SEC14L1: variants seen among roughly 807,000 people sequenced by gnomAD.
SEC14L1 encodes SEC14 like lipid binding 1, also known as SEC14-like protein 1.
In SEC14L1, 48 loss-of-function variants were observed where a neutral mutation model predicts 85.3. The ratio of observed to expected loss-of-function variants is 0.56; its 90% CI spans 0.45 to 0.72. The LOEUF (loss-of-function observed/expected upper bound fraction) is 0.72, where lower values mean the gene tolerates loss of function less well. Ranked by LOEUF, SEC14L1 falls within the 30% of genes least tolerant of loss-of-function variation. SEC14L1 has a pLI of 0.00. For missense variants in SEC14L1, 682 were observed against 921.4 expected, an observed-to-expected ratio of 0.74 and a Z score of 3.36; for synonymous variants, 391 against 355.5, an observed-to-expected ratio of 1.10 and a Z score of -1.12.
At chr17:77,186,266 C>T (rs903099813) in intron 3 of SEC14L1, among the ~76,000 whole-genome samples, 2 of 152,204 alleles carry the variant, frequency 1.3e-5, no homozygotes, top group Non-Finnish European at 2.9e-5. Flanking sequence ...CCACTTCCCT[C>T]CCCTGGGGGC....
chr17:77,190,012 G>T (rs1463886102), intron 3 of SEC14L1, among the ~76,000 whole-genome samples: 1 of 152,122 alleles, frequency 6.6e-6, no homozygotes, highest in African/African-American at 2.4e-5. Flanking sequence ...TTGTGATTTT[G>T]TTGTCACATC....
chr17:77,209,432 A>G lies in SEC14L1; in HGVS notation c.1567A>G (p.Thr523Ala). 1.2e-6 allele frequency: 2 copies of G among 1,614,178 alleles called. No homozygotes were observed. The highest frequency in any genetic ancestry group is 8.5e-7 in the Non-Finnish European group (1 of 1,180,026). The change falls in exon 14 of 17, where the codon ACC (threonine) becomes GCC (alanine). Residue 523 changes from threonine to alanine, a missense_variant. Thr to Ala is a moderately conservative substitution (Grantham distance 58). Transcript: ENST00000436233. The stretch of plus-strand genomic sequence containing the variant: ...CGAAGACCTGAAGCTCTGGACTGAG[A>G]CCATCTACCAGTCTGCAAGCGTCTT... Reference protein sequence around the residue: ...ENEDLKLWTETIYQSASVFKG... With the variant: ...ENEDLKLWTEAIYQSASVFKG...
chr17:77,118,534 A>C (rs1972228411), intron 3 of SEC14L1, among the ~76,000 whole-genome samples: 1 of 152,210 alleles, frequency 6.6e-6, no homozygotes, highest in African/African-American at 2.4e-5. Context: ...TTCCAAGGGC[A>C]ATGGACATGC....
At chr17:77,172,616 C>CT (rs1188212785) in intron 3 of SEC14L1, among the ~76,000 whole-genome samples, 1 of 152,152 alleles carries the variant, frequency 6.6e-6, no homozygotes, top group Non-Finnish European at 1.5e-5. Context: ...TTCCAGTTCT[C>CT]TATTTTCTAT....
At chr17:77,124,043 C>T (rs1390876726) in intron 3 of SEC14L1, among the ~76,000 whole-genome samples, 5 of 152,140 alleles carry the variant, frequency 3.3e-5, no homozygotes, top group Admixed American at 6.5e-5. Flanking sequence ...TCCTTGTGGA[C>T]GATAATCTCA....
intron 3 of SEC14L1, among the ~76,000 whole-genome samples, chr17:77,164,199 G>A (rs907029345): frequency 5.3e-4 from 81 of 152,210 alleles, no homozygotes; most frequent in Non-Finnish European, 4.3e-4. Context: ...CCGGTACCGT[G>A]CCCCCGAGCA....
In SEC14L1 at chr17:77,206,614, A is replaced by G. The variant is rs1185965793; in HGVS notation, c.1342-114A>G. 4 of 1,335,022 alleles carry G rather than the reference A, an allele frequency of 3.0e-6. No homozygotes were observed. Among genetic ancestry groups the G allele is most frequent in the South Asian group, 1.4e-5 (1 of 71,218 alleles). 82.7% of individuals were successfully genotyped at this position (1,335,022 alleles called of 1,614,324 possible). A position where few individuals can be genotyped will look rare whatever the true frequency, so the allele number is the denominator to read the frequency against. ...CAAATAGACTTTACAGAAGAAGTATATAAACTTGAATGTCTTCCCCCCACC... is the reference window on the plus strand; with the variant it reads ...CAAATAGACTTTACAGAAGAAGTATGTAAACTTGAATGTCTTCCCCCCACC... On this transcript the variant is annotated intron_variant, in intron 12 of 16. Coordinates refer to ENST00000436233, the MANE Select transcript of SEC14L1 (RefSeq NM_001143998.2). The surrounding 1 kb of genome is among the most constrained non-coding windows in gnomAD (Gnocchi z 4.3).
At chr17:77,191,877 A>G (rs979159675) in intron 5 of SEC14L1, among the ~76,000 whole-genome samples, 1 of 150,998 alleles carries the variant, frequency 6.6e-6, no homozygotes, top group Non-Finnish European at 1.5e-5. Flanking sequence ...GCTCACTGCA[A>G]CCTCTGCCTC....
chr17:77,199,005 CT>C (rs570875410), intron 8 of SEC14L1: 237 of 133,922 alleles, frequency 1.8e-3, no homozygotes, highest in African/African-American at 1.3e-3. Context: ...CGTCTTCTTT[CT>C]TTTTTTTTTT....
chr17:77,148,923 A>G (rs915880440), intron 3 of SEC14L1, among the ~76,000 whole-genome samples: 1 of 152,144 alleles, frequency 6.6e-6, no homozygotes, highest in African/African-American at 2.4e-5. Flanking sequence ...AATTATGCAC[A>G]CTTCCCAGCT....
intron 3 of SEC14L1, 60 bp from the exon 4 acceptor site, chr17:77,190,743 C>A (rs940546151): frequency 6.4e-6 from 10 of 1,570,782 alleles, no homozygotes; most frequent in Admixed American, 1.7e-5. Context: ...ACACAGTCAG[C>A]GGCAGGACAT....
chr17:77,145,511 C>T (rs1032689262), intron 3 of SEC14L1, among the ~76,000 whole-genome samples: 6 of 152,064 alleles, frequency 3.9e-5, no homozygotes, highest in Admixed American at 1.3e-4. Context: ...TAAGAAGTTA[C>T]GTGTGTTAAG....
At position 77,214,570 on chromosome 17, in the gene SEC14L1, G is replaced by T; in HGVS notation, c.*547G>T. The T allele has an allele frequency of 2.0e-6, 2 of 989,142 alleles. No individual in the cohort carries two copies. Among genetic ancestry groups the T allele is most frequent in the South Asian group, 9.3e-5 (2 of 21,602 alleles). 61.3% of individuals were successfully genotyped at this position (989,142 alleles called of 1,614,324 possible). A position where few individuals can be genotyped will look rare whatever the true frequency, so the allele number is the denominator to read the frequency against. ...CTTATCCTCTGAGGATTCAGAGGTT[G>T]CCTGCGGAGTACCTTGTCCCAGGGC... On this transcript the variant is annotated 3_prime_UTR_variant, in exon 17 of 17. Coordinates refer to ENST00000436233, the MANE Select transcript of SEC14L1 (RefSeq NM_001143998.2).
rs538171055 is a variant in SEC14L1 at position 77,101,395 on chromosome 17, C to T, written c.-136+8048C>T. On this transcript the variant is annotated intron_variant, in intron 3 of 19. Coordinates refer to the SEC14L1 transcript ENST00000392476. ...GTTTCACCATGTTGGCCAGGCTGGT[C>T]CCGAACTCCTGACCTCAGGTGACCC... Among the ~76,000 whole-genome samples, 5 of 152,200 alleles carry T rather than the reference C, an allele frequency of 3.3e-5. No homozygotes were observed. The East Asian group carries it at 9.6e-4, about 29-fold the overall frequency.
In SEC14L1 at chr17:77,200,201, C is replaced by T. The variant is rs923414485; in HGVS notation, c.820-283C>T. On this transcript the variant is annotated intron_variant, in intron 8 of 16. Transcript: ENST00000436233. Reference sequence around the variant, plus strand: ...AAGTGGGAATTTTAGGGTCTTATTCCCTTAGCAACTTTTTTTTTAGGGCAG... The same window carrying T: ...AAGTGGGAATTTTAGGGTCTTATTCTCTTAGCAACTTTTTTTTTAGGGCAG... Among the ~76,000 whole-genome samples, 10 of 151,998 alleles carry T rather than the reference C, an allele frequency of 6.6e-5. No homozygotes were observed. In the East Asian group the frequency reaches 1.7e-3, roughly 26 times the overall value.
chr17:77,174,408 G>A (rs900852185), intron 3 of SEC14L1, among the ~76,000 whole-genome samples: 20 of 152,220 alleles, frequency 1.3e-4, no homozygotes, highest in African/African-American at 3.6e-4. Flanking sequence ...AGGTGACCAC[G>A]GAACCACAGA....
chr17:77,196,154 T>G, intron 7 of SEC14L1, 48 bp from the exon 8 acceptor site: 1 of 1,467,584 alleles, frequency 6.8e-7, no homozygotes. Flanking sequence ...TTTGGGAGCC[T>G]AAAGCTCCAG....
In SEC14L1 at chr17:77,216,255, T is replaced by C. The variant is rs866041240; in HGVS notation, c.*2232T>C. 22 of 1,184,064 alleles carry C rather than the reference T, an allele frequency of 1.9e-5. No homozygotes were observed. The highest frequency in any genetic ancestry group is 1.2e-4 in the South Asian group (5 of 42,850). 73.3% of individuals were successfully genotyped at this position (1,184,064 alleles called of 1,614,324 possible). On this transcript the variant is annotated 3_prime_UTR_variant, in exon 17 of 17. Coordinates refer to ENST00000436233, the MANE Select transcript of SEC14L1 (RefSeq NM_001143998.2). The stretch of plus-strand genomic sequence containing the variant: ...AGGTAGGGTTCGTAGGTAGGGTTCG[T>C]AGGTAGGGTTCGTAGGTAGGGTTAG...
At chr17:77,089,742 G>A in intron 2 of SEC14L1, 1 of 263,178 alleles carries the variant, frequency 3.8e-6, no homozygotes. Context: ...TCAGCCAGGT[G>A]CAGTGGCTCA....
Sources: gnomAD v4.1 joint callset for allele counts (sites outside exome capture counted in the v4.1 genomes callset) on GRCh38, gnomAD v4.1.1 for gene constraint, Gnocchi (gnomAD v3.1) non-coding constraint, MANE v1.5 for transcripts, NCBI Gene and HGNC (gene_info 2026-07-23, HGNC 2026-07-21) for gene names.